The following PIEZO2 variants were observed in gnomAD, a reference collection of about 807,000 sequenced individuals.
PIEZO2 encodes the protein piezo type mechanosensitive ion channel component 2.
Under a neutral mutation model 337.3 loss-of-function variants are expected in PIEZO2, and 172 were observed. The ratio of observed to expected loss-of-function variants is 0.51; its 90% CI spans 0.45 to 0.58. The LOEUF is 0.58. Ranked by LOEUF, PIEZO2 falls within the 20% of genes least tolerant of loss-of-function variation. The pLI, the probability that PIEZO2 is intolerant of heterozygous loss-of-function variation, is 0.00. For synonymous variants in PIEZO2, 1,251 were observed against 1,228.5 expected, an observed-to-expected ratio of 1.02 and a Z score of -0.38; for missense variants, 3,028 against 3,391.3, an observed-to-expected ratio of 0.89 and a Z score of 2.66.
intron 28 of PIEZO2, among the ~76,000 whole-genome samples, chr18:10,751,519 A>T (rs886622658): frequency 1.3e-5 from 2 of 152,232 alleles, no homozygotes; most frequent in African/African-American, 4.8e-5. Flanking sequence ...CTTTCAATGG[A>T]CTTCAGACAA....
chr18:10,949,089 C>CA (rs371256149), intron 3 of PIEZO2, among the ~76,000 whole-genome samples: 82 of 152,222 alleles, frequency 5.4e-4, no homozygotes, highest in African/African-American at 1.9e-3. Context: ...CAGAAATGGT[C>CA]ATTTGTTGGT....
chr18:10,892,434 G>A (rs533713188), intron 4 of PIEZO2, among the ~76,000 whole-genome samples: 1 of 152,150 alleles, frequency 6.6e-6, no homozygotes, highest in East Asian at 1.9e-4. Context: ...GGTAAAGCCA[G>A]AGAAAGAAAA....
intron 7 of PIEZO2, among the ~76,000 whole-genome samples, chr18:10,810,546 C>G (rs188432927): frequency 6.6e-6 from 1 of 152,298 alleles, no homozygotes; most frequent in Admixed American, 6.5e-5. Flanking sequence ...TGGAGAAAAG[C>G]CCTGAGTCCC....
intron 4 of PIEZO2, among the ~76,000 whole-genome samples, chr18:10,905,131 T>G (rs992736350): frequency 1.1e-4 from 17 of 152,238 alleles, no homozygotes; most frequent in Admixed American, 9.2e-4. Flanking sequence ...CAAAATAGGT[T>G]GCTAAACTTT....
chr18:10,872,846 G>A lies in PIEZO2; in HGVS notation c.330-1431C>T, dbSNP rs914894981. On this transcript the variant is annotated intron_variant, in intron 4 of 55. Transcript: ENST00000674853. This position sits in a 1 kb window ranked among gnomAD's most constrained non-coding sequence, Gnocchi z 4.3. ...ATACAGACTTAGGTTTACAAAATGAGTTTAAAATAGGGAGGATACAGGTAG... is the reference window on the plus strand; with the variant it reads ...ATACAGACTTAGGTTTACAAAATGAATTTAAAATAGGGAGGATACAGGTAG... Among the ~76,000 whole-genome samples the A allele has an allele frequency of 7.9e-5, 12 of 152,192 alleles. No individual in the cohort carries two copies. The highest frequency in any genetic ancestry group is 1.4e-4 in the African/African-American group (6 of 41,460).
rs1202617493 is a variant in PIEZO2, at chr18:11,035,757, A to G, written c.160+30370T>C. On this transcript the variant is annotated intron_variant, in intron 2 of 55. Transcript: ENST00000674853. This position sits in a 1 kb window ranked among gnomAD's most constrained non-coding sequence, Gnocchi z 4.3. ...ATTCCACAAAACTACCTCTGGGAAG[A>G]TGAGCTAAACAGGTGCAGCACATAT... 6.6e-6 allele frequency among the ~76,000 whole-genome samples: 1 copy of G among 152,246 alleles called. No homozygotes were observed. Among genetic ancestry groups the G allele is most frequent in the African/African-American group, 2.4e-5 (1 of 41,468 alleles).
chr18:10,678,442 A>AT (rs1052683839), intron 52 of PIEZO2, among the ~76,000 whole-genome samples: 26 of 152,064 alleles, frequency 1.7e-4, no homozygotes, highest in African/African-American at 5.3e-4. Flanking sequence ...CCCACTTTGT[A>AT]TTTTTTTTAA....
rs955701887 is a variant in PIEZO2 at position 10,837,260 on chromosome 18, C to T, written c.917+18093G>A. On this transcript the variant is annotated intron_variant, in intron 7 of 55. Coordinates refer to ENST00000674853, the MANE Select transcript of PIEZO2 (RefSeq NM_001378183.1). This position sits in a 1 kb window ranked among gnomAD's most constrained non-coding sequence, Gnocchi z 4.4. Reference sequence around the variant, plus strand: ...TCACTAACTTTGTTTTTATACTTTCCTAAGTCTAGAATGAGAAGAGCCTTT... The same window carrying T: ...TCACTAACTTTGTTTTTATACTTTCTTAAGTCTAGAATGAGAAGAGCCTTT... 3.9e-5 allele frequency among the ~76,000 whole-genome samples: 6 copies of T among 152,136 alleles called. No individual in the cohort carries two copies. The highest frequency in any genetic ancestry group is 8.8e-5 in the Non-Finnish European group (6 of 68,014).
chr18:10,782,323 ATAATTATATATAAATAATTATAATATAT>A (rs1568050920), intron 17 of PIEZO2, among the ~76,000 whole-genome samples: 1 of 91,480 alleles, frequency 1.1e-5, no homozygotes, highest in East Asian at 3.1e-4. Flanking sequence ...ATAATATATT[ATAATTATATATAAATAATTATAATATAT>A]TATAATTATA....
At position 10,943,850 on chromosome 18, in the gene PIEZO2, T is replaced by A. The variant is rs2032855692; in HGVS notation, c.287-32622A>T. Among the ~76,000 whole-genome samples the A allele has an allele frequency of 6.6e-6, 1 of 152,126 alleles. No individual in the cohort carries two copies. The highest frequency in any genetic ancestry group is 2.4e-5 in the African/African-American group (1 of 41,430). The stretch of plus-strand genomic sequence containing the variant: ...GAGATGACTGAATCATGGGAGCAAG[T>A]CTTTCCAGTGCTGTTCTCATGATAG... On this transcript the variant is annotated intron_variant, in intron 3 of 55. Coordinates refer to ENST00000674853, the MANE Select transcript of PIEZO2 (RefSeq NM_001378183.1). The surrounding 1 kb of genome is among the most constrained non-coding windows in gnomAD (Gnocchi z 4.5).
intron 11 of PIEZO2, among the ~76,000 whole-genome samples, chr18:10,799,848 C>A (rs1351546302): frequency 1.4e-5 from 2 of 141,342 alleles, no homozygotes; most frequent in Non-Finnish European, 1.5e-5. Flanking sequence ...TGGTGGGCAC[C>A]TGTAGTCCCA....
rs577462668 is a variant in PIEZO2 at position 10,742,747 on chromosome 18, T to C, written c.4515-132A>G. On this transcript the variant is annotated intron_variant, in intron 31 of 55. Transcript: ENST00000674853. ...ACTACTTTGGAATACTTGTGAATTG[T>C]AAAATGGTTGCTCATTAGCAACAAG... is the stretch of plus-strand genomic sequence containing the variant. 1.0e-5 allele frequency: 10 copies of C among 968,562 alleles called. No individual in the cohort carries two copies. In the South Asian group the frequency reaches 1.9e-4, roughly 18 times the overall value. 60.0% of individuals were successfully genotyped at this position (968,562 alleles called of 1,614,324 possible). A position where few individuals can be genotyped will look rare whatever the true frequency, so the allele number is the denominator to read the frequency against.
chr18:11,055,210 CAAAAAAAAAA>C (rs11390110), intron 2 of PIEZO2, among the ~76,000 whole-genome samples: 1 of 79,848 alleles, frequency 1.3e-5, no homozygotes, highest in Non-Finnish European at 2.3e-5. Context: ...GACTCTGTCT[CAAAAAAAAAA>C]AAAAAAAAAA....
At chr18:10,916,610 C>T (rs1301835705) in intron 3 of PIEZO2, among the ~76,000 whole-genome samples, 1 of 152,188 alleles carries the variant, frequency 6.6e-6, no homozygotes, top group Non-Finnish European at 1.5e-5. Flanking sequence ...CCATCTAGAA[C>T]TCGCGTCGGC....
intron 2 of PIEZO2, 122 bp downstream of exon 2, chr18:11,066,005 G>T: frequency 2.8e-6 from 2 of 722,448 alleles, no homozygotes; most frequent in Non-Finnish European, 4.5e-6. Context: ...CCCACTCCAT[G>T]CCATATTAGC....
At position 11,028,261 on chromosome 18, in the gene PIEZO2, A is replaced by T. The variant is rs1365364917; in HGVS notation, c.160+37866T>A. 6.7e-6 allele frequency among the ~76,000 whole-genome samples: 1 copy of T among 149,658 alleles called. No individual in the cohort carries two copies. Among genetic ancestry groups the T allele is most frequent in the Non-Finnish European group, 1.5e-5 (1 of 67,462 alleles). ...TTCTTCTTCTTCTTCTTTATTTTTT[A>T]TTATTTTTTTTTATTTTTTGAGACA... On this transcript the variant is annotated intron_variant, in intron 2 of 55. Transcript: ENST00000674853. This position sits in a 1 kb window ranked among gnomAD's most constrained non-coding sequence, Gnocchi z 4.8.
intron 32 of PIEZO2, among the ~76,000 whole-genome samples, chr18:10,741,998 A>G (rs1015831693): frequency 1.2e-5 from 1 of 82,386 alleles, no homozygotes; most frequent in East Asian, 2.7e-4. Context: ...CTAAAAATAC[A>G]AAAAAAATTA....
At chr18:10,823,012 A>T (rs2040565711) in intron 7 of PIEZO2, among the ~76,000 whole-genome samples, 1 of 152,206 alleles carries the variant, frequency 6.6e-6, no homozygotes, top group Non-Finnish European at 1.5e-5. Flanking sequence ...TAATACTAAG[A>T]TGATTTGAAA....
rs978756713 is a variant in PIEZO2 at position 10,773,394 on chromosome 18, T to C, written c.2785+18A>G. The C allele has an allele frequency of 2.1e-5, 32 of 1,536,504 alleles. No homozygotes were observed. The highest frequency in any genetic ancestry group is 2.7e-5 in the African/African-American group (2 of 73,050). ...CAGCCAGCGTTCTCTGACCAGCTGC[T>C]GGTAGTGGGCTGATTACCTGATGTT... is the stretch of plus-strand genomic sequence containing the variant. On this transcript the variant is annotated intron_variant, in intron 20 of 55. Coordinates refer to ENST00000674853, the MANE Select transcript of PIEZO2 (RefSeq NM_001378183.1). The surrounding 1 kb of genome is among the most constrained non-coding windows in gnomAD (Gnocchi z 5.3).
Sources: allele counts gnomAD v4.1 joint callset (sites outside exome capture counted in the v4.1 genomes callset), GRCh38; gene constraint gnomAD v4.1.1; non-coding constraint Gnocchi (gnomAD v3.1); transcripts MANE v1.5; gene names NCBI Gene and HGNC (gene_info 2026-07-23, HGNC 2026-07-21).